The following ACTR3C variants were observed in gnomAD, a reference collection of about 807,000 sequenced individuals.
ACTR3C encodes actin related protein 3C.
A neutral mutation model predicts 26.3 loss-of-function variants in ACTR3C; 18 were observed. That is an observed-to-expected ratio of 0.68 (90% CI 0.47 to 1.01). ACTR3C has a LOEUF of 1.01. ACTR3C is among the 50% of genes least tolerant of loss of function. The pLI is 0.00. For synonymous variants in ACTR3C, 55 were observed against 94.5 expected (o/e 0.58, Z 2.42); for missense variants, 184 against 250.7 (o/e 0.73, Z 1.80).
rs547691645 is a variant in ACTR3C, at chr7:150,255,192, C to T, written c.565-6138G>A. On this transcript the variant is annotated intron_variant, in intron 6 of 7. Coordinates refer to ENST00000683684, the MANE Select transcript of ACTR3C (RefSeq NM_001164458.2). Reference sequence around the variant, plus strand: ...TGGAAGGAAATGCTCCTTGCTGGGGCGAAGATGCTTCCTAGGGCAATCAGA... The same window carrying T: ...TGGAAGGAAATGCTCCTTGCTGGGGTGAAGATGCTTCCTAGGGCAATCAGA... 3.1e-3 allele frequency among the ~76,000 whole-genome samples: 447 copies of T among 146,456 alleles called. 1 individual carries two copies. Among genetic ancestry groups the T allele is most frequent in the African/African-American group, 0.011 (413 of 39,150 alleles).
chr7:150,108,462 A>G, the ACTR3C span, among the ~76,000 whole-genome samples: 18 of 151,924 alleles, frequency 1.2e-4, no homozygotes, highest in African/African-American at 4.1e-4. Flanking sequence ...TAGAGCTGAG[A>G]GCAAAGTAGA....
chr7:150,070,156 G>A, the ACTR3C span, among the ~76,000 whole-genome samples: 3 of 152,104 alleles, frequency 2.0e-5, no homozygotes, highest in East Asian at 1.9e-4. Context: ...AGGAGCTCGC[G>A]AGGCCTCACC....
At chr7:150,265,135 G>C (rs536824929) in intron 6 of ACTR3C, among the ~76,000 whole-genome samples, 2 of 152,134 alleles carry the variant, frequency 1.3e-5, no homozygotes, top group South Asian at 4.2e-4. Context: ...CTGGATTTCA[G>C]ACAATAAGAA....
chr7:149,992,295 T>C, the ACTR3C span, among the ~76,000 whole-genome samples: 1 of 152,248 alleles, frequency 6.6e-6, no homozygotes, highest in East Asian at 1.9e-4. Context: ...CTTTGAAATA[T>C]GAATGCCATG....
At chr7:149,902,736 C>G in the ACTR3C span, among the ~76,000 whole-genome samples, 71,188 of 75,052 alleles carry the variant, frequency 0.95, 34,457 homozygotes, top group East Asian at 1. Context: ...CATGAGCCCA[C>G]AAGTTCGAGA....
At chr7:150,037,448 T>C in the ACTR3C span, among the ~76,000 whole-genome samples, 3 of 46,138 alleles carry the variant, frequency 6.5e-5, 1 homozygote, top group Non-Finnish European at 9.7e-5. Context: ...AATCCCTGCC[T>C]CGCGGGGGGT....
At chr7:150,041,688 ACT>A in the ACTR3C span, among the ~76,000 whole-genome samples, 2 of 75,976 alleles carry the variant, frequency 2.6e-5, no homozygotes. Flanking sequence ...AGAGGGGATA[ACT>A]CTCAGTCCCC....
the ACTR3C span, among the ~76,000 whole-genome samples, chr7:150,221,979 C>A: frequency 8.3e-6 from 1 of 120,036 alleles, no homozygotes; most frequent in Non-Finnish European, 1.6e-5. Context: ...GCCTGGGCAA[C>A]AGAGAGAGAC....
At chr7:149,906,412 C>G in the ACTR3C span, among the ~76,000 whole-genome samples, 1 of 72,100 alleles carries the variant, frequency 1.4e-5, no homozygotes, top group African/African-American at 4.9e-5. Context: ...GGGTTTGTTT[C>G]TTTTTTTTTT....
the ACTR3C span, among the ~76,000 whole-genome samples, chr7:150,042,707 G>A: frequency 6.6e-6 from 1 of 151,824 alleles, no homozygotes; most frequent in Non-Finnish European, 1.5e-5. Context: ...TTTGCTTCTT[G>A]TACTAGCAGG....
the ACTR3C span, among the ~76,000 whole-genome samples, chr7:150,090,334 C>T: frequency 6.6e-6 from 1 of 152,216 alleles, no homozygotes; most frequent in Admixed American, 6.5e-5. Flanking sequence ...TCTGGGCTTC[C>T]ATTGTATGTG....
chr7:150,285,668 T>C (rs1835722226), intron 5 of ACTR3C, among the ~76,000 whole-genome samples: 1 of 152,220 alleles, frequency 6.6e-6, no homozygotes, highest in South Asian at 2.1e-4. Context: ...AATAGTCATA[T>C]ACACATCTAA....
the ACTR3C span, among the ~76,000 whole-genome samples, chr7:149,914,037 C>T: frequency 2.6e-5 from 4 of 151,848 alleles, no homozygotes; most frequent in African/African-American, 4.8e-5. Context: ...AGGCACATGC[C>T]ATCACACCCG....
the ACTR3C span, among the ~76,000 whole-genome samples, chr7:149,919,463 A>C: frequency 6.6e-6 from 1 of 151,730 alleles, no homozygotes; most frequent in Admixed American, 6.6e-5. Context: ...CTGGTCTCGA[A>C]CTCTGACCTC....
the ACTR3C span, among the ~76,000 whole-genome samples, chr7:150,114,552 G>A: frequency 2.0e-5 from 3 of 152,046 alleles, no homozygotes; most frequent in Non-Finnish European, 4.4e-5. Context: ...CGAGGAAGAC[G>A]TGATTGCATG....
chr7:150,013,330 G>A, the ACTR3C span, among the ~76,000 whole-genome samples: 3 of 151,774 alleles, frequency 2.0e-5, no homozygotes, highest in East Asian at 5.8e-4. Context: ...CATCTTATGA[G>A]TTATACTAGG....
At chr7:149,962,636 G>C in the ACTR3C span, among the ~76,000 whole-genome samples, 1 of 152,122 alleles carries the variant, frequency 6.6e-6, no homozygotes, top group South Asian at 2.1e-4. Flanking sequence ...TAATGTCAGG[G>C]CAATGGGATC....
chr7:150,132,508 G>A, the ACTR3C span, among the ~76,000 whole-genome samples: 1 of 152,106 alleles, frequency 6.6e-6, no homozygotes, highest in Non-Finnish European at 1.5e-5. Context: ...AAAAAATGCT[G>A]AACATCACTC....
At chr7:150,312,267 G>A (rs1334681213) in intron 1 of ACTR3C, among the ~76,000 whole-genome samples, 3 of 152,128 alleles carry the variant, frequency 2.0e-5, no homozygotes, top group African/African-American at 7.2e-5. Context: ...CTTAGACCAT[G>A]GAAAATTCAT....
Sources: allele counts gnomAD v4.1 joint callset (sites outside exome capture counted in the v4.1 genomes callset), GRCh38; gene constraint gnomAD v4.1.1; transcripts MANE v1.5; gene names NCBI Gene and HGNC (gene_info 2026-07-23, HGNC 2026-07-21).